The following ROBO2 variants were observed in gnomAD, a reference collection of about 807,000 sequenced individuals.
ROBO2 encodes roundabout homolog 2.
In ROBO2, 53 loss-of-function variants were observed where a neutral mutation model predicts 160.8. That is an observed-to-expected ratio of 0.33 (90% confidence interval 0.26 to 0.41). ROBO2 has a LOEUF of 0.41. Among genes scored for constraint, ROBO2 ranks in the 10% least tolerant of loss-of-function variants. ROBO2 has a pLI of 1.00. For synonymous variants in ROBO2, 664 were observed against 611.7 expected (o/e 1.09, Z -1.26); for missense variants, 1,577 against 1,722.4 (o/e 0.92, Z 1.49).
In ROBO2 at chr3:77,207,711, C is replaced by G. The variant is rs549719142; in HGVS notation, c.388+109371C>G. Reference sequence around the variant, plus strand: ...GAAATAGAGGTAACGTTCCAGTGATCATAAAAGGACAGTCATAAGCTTTTA... The same window carrying G: ...GAAATAGAGGTAACGTTCCAGTGATGATAAAAGGACAGTCATAAGCTTTTA... On this transcript the variant is annotated intron_variant, in intron 2 of 25. Coordinates refer to ENST00000461745, the Ensembl canonical transcript of ROBO2. Among the ~76,000 whole-genome samples, 140 of 152,252 alleles carry G rather than the reference C, an allele frequency of 9.2e-4. 1 individual carries two copies. Among genetic ancestry groups the G allele is most frequent in the African/African-American group, 3.2e-3 (132 of 41,536 alleles).
chr3:76,534,271 A>G lies in ROBO2; in HGVS notation c.110-563743A>G, dbSNP rs1483115286. Among the ~76,000 whole-genome samples the G allele has an allele frequency of 2.0e-5, 3 of 152,136 alleles. No individual in the cohort carries two copies. In the East Asian group the frequency reaches 5.8e-4, roughly 29 times the overall value. ...TGGCTAAAAAAGTGCCAGGTAGCAC[A>G]TTTTTGAGCTTGGAACTGCCCTAAT... is the stretch of plus-strand genomic sequence containing the variant. On this transcript the variant is annotated intron_variant, in intron 2 of 26. Transcript: ENST00000487694.
chr3:76,390,426 A>G (rs1436296719), intron 2 of ROBO2, among the ~76,000 whole-genome samples: 1 of 152,140 alleles, frequency 6.6e-6, no homozygotes, highest in Non-Finnish European at 1.5e-5. Context: ...TATGATTTTA[A>G]CTTGATGGAA....
intron 2 of ROBO2, among the ~76,000 whole-genome samples, chr3:77,130,236 C>A (rs2075728736): frequency 6.6e-6 from 1 of 152,092 alleles, no homozygotes; most frequent in African/African-American, 2.4e-5. Flanking sequence ...CCTCTCGTCT[C>A]CTTTGCAAAG....
intron 6 of ROBO2, among the ~76,000 whole-genome samples, chr3:77,541,550 T>C (rs144577323): frequency 2.6e-5 from 4 of 152,352 alleles, no homozygotes; most frequent in African/African-American, 9.6e-5. Context: ...CTAATCTTAA[T>C]TGACCTTTTT....
intron 2 of ROBO2, among the ~76,000 whole-genome samples, chr3:77,204,593 C>T (rs2083238927): frequency 6.6e-6 from 1 of 152,152 alleles, no homozygotes; most frequent in Non-Finnish European, 1.5e-5. Flanking sequence ...GGCCTCCCTT[C>T]ATTTCTAATA....
intron 2 of ROBO2, among the ~76,000 whole-genome samples, chr3:76,293,674 C>A (rs1708921706): frequency 6.6e-6 from 1 of 152,194 alleles, no homozygotes; most frequent in African/African-American, 2.4e-5. Context: ...GATGGAGTGG[C>A]CCTGCTGAAA....
At chr3:77,296,809 G>C (rs372541498) in intron 2 of ROBO2, among the ~76,000 whole-genome samples, 31 of 152,234 alleles carry the variant, frequency 2.0e-4, no homozygotes, top group East Asian at 1.7e-3. Flanking sequence ...ACATGAGACT[G>C]AATAGCTGGC....
intron 2 of ROBO2, among the ~76,000 whole-genome samples, chr3:76,628,040 G>GGTATT (rs2089775882): frequency 6.6e-6 from 1 of 151,340 alleles, no homozygotes; most frequent in Non-Finnish European, 1.5e-5. Flanking sequence ...AAGGAAAAAA[G>GGTATT]GTATATTAGG....
At chr3:77,338,323 C>G (rs945490083) in intron 2 of ROBO2, among the ~76,000 whole-genome samples, 3 of 152,136 alleles carry the variant, frequency 2.0e-5, no homozygotes, top group Non-Finnish European at 4.4e-5. Context: ...TCTGCTCCCC[C>G]CTTGTTCTGG....
intron 2 of ROBO2, among the ~76,000 whole-genome samples, chr3:77,306,252 T>C (rs2063083447): frequency 6.6e-6 from 1 of 152,108 alleles, no homozygotes; most frequent in South Asian, 2.1e-4. Flanking sequence ...CATTATTTTT[T>C]CTAATTGGAT....
At chr3:77,438,950 G>A (rs1581949075) in intron 2 of ROBO2, among the ~76,000 whole-genome samples, 1 of 152,040 alleles carries the variant, frequency 6.6e-6, no homozygotes, top group African/African-American at 2.4e-5. Flanking sequence ...TATTAAATCT[G>A]TAGTGTTCTA....
At chr3:76,183,841 A>C (rs1388104184) in intron 2 of ROBO2, among the ~76,000 whole-genome samples, 1 of 152,184 alleles carries the variant, frequency 6.6e-6, no homozygotes, top group Non-Finnish European at 1.5e-5. Flanking sequence ...AAATTAAATA[A>C]ATAAAGATAT....
chr3:77,486,780 A>G (rs1032201083), intron 4 of ROBO2, among the ~76,000 whole-genome samples: 1 of 151,846 alleles, frequency 6.6e-6, no homozygotes, highest in Non-Finnish European at 1.5e-5. Flanking sequence ...TTTTTAAGTA[A>G]AATTATCTTG....
chr3:76,207,288 A>G (rs1264725718), intron 2 of ROBO2, among the ~76,000 whole-genome samples: 1 of 152,160 alleles, frequency 6.6e-6, no homozygotes, highest in Non-Finnish European at 1.5e-5. Context: ...ATGTTTACAA[A>G]TTAGTGGTAG....
chr3:77,606,671 T>G (rs1170012465), intron 20 of ROBO2, among the ~76,000 whole-genome samples: 1 of 152,226 alleles, frequency 6.6e-6, no homozygotes, highest in Non-Finnish European at 1.5e-5. Context: ...TTACATAATA[T>G]TCAACGTGGC....
intron 2 of ROBO2, among the ~76,000 whole-genome samples, chr3:76,806,914 C>T (rs1218025497): frequency 1.3e-5 from 2 of 152,014 alleles, no homozygotes; most frequent in Non-Finnish European, 2.9e-5. Context: ...GCTGCACAAT[C>T]TCACTTGGAA....
intron 2 of ROBO2, among the ~76,000 whole-genome samples, chr3:76,708,470 G>T (rs186307160): frequency 1.5e-3 from 221 of 152,214 alleles, no homozygotes; most frequent in Admixed American, 2.9e-3. Flanking sequence ...TTTCAATTTT[G>T]CTCTACTTGA....
At chr3:77,353,245 G>A (rs2068595253) in intron 2 of ROBO2, among the ~76,000 whole-genome samples, 1 of 152,092 alleles carries the variant, frequency 6.6e-6, no homozygotes, top group African/African-American at 2.4e-5. Context: ...TCTGCGATGT[G>A]GGCCACCCAA....
At chr3:77,242,861 G>T (rs1217548687) in intron 2 of ROBO2, among the ~76,000 whole-genome samples, 2 of 150,874 alleles carry the variant, frequency 1.3e-5, no homozygotes, top group Non-Finnish European at 2.9e-5. Flanking sequence ...ATGGCCTATT[G>T]TACTATGTCT....
Sources: gnomAD v4.1 joint callset for allele counts (sites outside exome capture counted in the v4.1 genomes callset) on GRCh38, gnomAD v4.1.1 for gene constraint, MANE v1.5 for transcripts, NCBI Gene and HGNC (gene_info 2026-07-23, HGNC 2026-07-21) for gene names.